The following CCDC154 variants were observed in gnomAD, a reference collection of about 807,000 sequenced individuals.
The protein encoded by CCDC154 is coiled-coil domain-containing protein 154.
A neutral mutation model predicts 87.5 loss-of-function variants in CCDC154; 91 were observed. The observed-to-expected ratio is 1.04, with a 90% CI of 0.88 to 1.24. The LOEUF is 1.24. CCDC154 is among the 50% of genes most tolerant of loss of function. CCDC154 has a pLI of 0.00. For missense variants in CCDC154, 903 were observed against 879.2 expected, an observed-to-expected ratio of 1.03 and a Z score of -0.34; for synonymous variants, 418 against 400.4, an observed-to-expected ratio of 1.04 and a Z score of -0.52.
chr16:1,444,125 G>A (rs188330383), intron 1 of CCDC154, 113 bp from the exon 2 acceptor site: 15 of 1,015,838 alleles, frequency 1.5e-5, no homozygotes, highest in Admixed American at 1.0e-4. Context: ...AGAGCTCAAC[G>A]CGTCTCCTTG....
Position 1,442,756 on chromosome 16 carries a change from G to A in CCDC154, c.551+124C>T, listed in dbSNP as rs878944344. 3.5e-5 allele frequency: 39 copies of A among 1,118,858 alleles called. No individual in the cohort carries two copies. The Middle Eastern group carries it at 6.1e-4, about 17-fold the overall frequency. 69.3% of individuals were successfully genotyped at this position (1,118,858 alleles called of 1,614,324 possible). The stretch of plus-strand genomic sequence containing the variant: ...CAGGCTTCCCAGCACGCTTGGCACC[G>A]AGGGCGGTGCCCCGCCGGGTTACTG... On this transcript the variant is annotated intron_variant, in intron 5 of 16. Coordinates refer to ENST00000389176, the MANE Select transcript of CCDC154 (RefSeq NM_001143980.3).
At chr16:1,434,576 A>AGG in intron 16 of CCDC154, 42 bp from the exon 17 acceptor site, 2 of 808,076 alleles carry the variant, frequency 2.5e-6, no homozygotes, top group Non-Finnish European at 3.2e-6. Context: ...CCCCCGCCCC[A>AGG]CCCCCCATGG....
rs1007127296 is a variant in CCDC154, at chr16:1,438,414, C to G, written c.1025+205G>C. The G allele has an allele frequency of 1.6e-5, 12 of 729,214 alleles. No individual in the cohort carries two copies. The African/African-American group carries it at 2.1e-4, about 13-fold the overall frequency. The allele number at this position is 729,214 out of a possible 1,614,324, so 45.2% of individuals were successfully genotyped here. ...CCTCCCCATGGCCACAGCTGAGTGC[C>G]CCAGGGAGGGCAGGCTGGGTGAGGG... On this transcript the variant is annotated intron_variant, in intron 9 of 16. Transcript: ENST00000389176.
intron 8 of CCDC154, 25 bp from the exon 9 acceptor site, chr16:1,438,762 G>A (rs775870024): frequency 1.7e-4 from 258 of 1,546,920 alleles, no homozygotes; most frequent in Non-Finnish European, 2.1e-4. Flanking sequence ...AGGCCGCCCT[G>A]AGACCTGCAC....
intron 6 of CCDC154, among the ~76,000 whole-genome samples, chr16:1,440,053 A>G (rs1315064920): frequency 1.3e-5 from 2 of 149,736 alleles, no homozygotes. Context: ...AGGCTGAGGC[A>G]GGAGAATCGC....
chr16:1,435,105 T>C lies in CCDC154; in HGVS notation c.1676A>G (p.Asn559Ser). 1 of 1,549,886 alleles carries C rather than the reference T, an allele frequency of 6.5e-7. No homozygotes were observed. Among genetic ancestry groups the C allele is most frequent in the Non-Finnish European group, 8.7e-7 (1 of 1,146,834 alleles). ...ANKTIQNLRFNTEARLRTQEM... is the reference protein window; with the variant it reads ...ANKTIQNLRFSTEARLRTQEM... ...CCTCCTCACCAGCCGGGCCTCAGTGTTGAACCTGAGGTTCTGGATGGTCTT... is the reference window on the plus strand; with the variant it reads ...CCTCCTCACCAGCCGGGCCTCAGTGCTGAACCTGAGGTTCTGGATGGTCTT... Residue 559 changes from asparagine to serine, a missense_variant, in exon 15 of 17, where the codon AAC (asparagine) becomes AGC (serine). By Grantham distance (46) the Asn-to-Ser change is conservative. Transcript: ENST00000389176.
Position 1,442,275 on chromosome 16 carries a change from A to G in CCDC154, c.675+131T>C, listed in dbSNP as rs2038558431. 4 of 1,119,862 alleles carry G rather than the reference A, an allele frequency of 3.6e-6. No homozygotes were observed. In the East Asian group the frequency reaches 8.3e-5, roughly 23 times the overall value. The allele number at this position is 1,119,862 out of a possible 1,614,324, so 69.4% of individuals were successfully genotyped here. ...AGGAATTGAGTTTTACATTGTCTACAACTATAGCTGATTTCAGTGGACACA... is the reference window on the plus strand; with the variant it reads ...AGGAATTGAGTTTTACATTGTCTACGACTATAGCTGATTTCAGTGGACACA... On this transcript the variant is annotated intron_variant, in intron 6 of 16. Transcript: ENST00000389176.
rs368884941 is a variant in CCDC154 at position 1,440,867 on chromosome 16, T to G, written c.675+1539A>C. 6.7e-5 allele frequency among the ~76,000 whole-genome samples: 10 copies of G among 149,698 alleles called. No individual in the cohort carries two copies. In the East Asian group the frequency reaches 1.4e-3, roughly 21 times the overall value. ...TCGGGAAGCTGAGGCAGGAGAATGG[T>G]GTGAACGTGGGAGGCGGAGCTTGTA... On this transcript the variant is annotated intron_variant, in intron 6 of 16. Coordinates refer to ENST00000389176, the MANE Select transcript of CCDC154 (RefSeq NM_001143980.3).
At chr16:1,442,334 A>C in intron 6 of CCDC154, 72 bp downstream of exon 6, 1 of 1,450,954 alleles carries the variant, frequency 6.9e-7, no homozygotes, top group African/African-American at 1.4e-5. Flanking sequence ...ATCGGATGGC[A>C]CAGGCCGAGA....
intron 6 of CCDC154, among the ~76,000 whole-genome samples, chr16:1,440,154 A>G (rs1361823332): frequency 1.4e-5 from 2 of 147,088 alleles, no homozygotes; most frequent in Non-Finnish European, 3.0e-5. Context: ...AGAAAAAAAA[A>G]AAAAAAAAAA....
In CCDC154 at chr16:1,438,131, G is replaced by A. The variant is rs1397483890; in HGVS notation, c.1071C>T (p.Ala357=). The A allele has an allele frequency of 3.2e-6, 5 of 1,547,960 alleles. No individual in the cohort carries two copies. The highest frequency in any genetic ancestry group is 4.4e-6 in the Non-Finnish European group (5 of 1,145,734). The change falls in exon 10 of 17, where the codon GCC becomes GCT. Residue 357 remains alanine, a synonymous_variant. Coordinates refer to ENST00000389176, the MANE Select transcript of CCDC154 (RefSeq NM_001143980.3). ...RLEESRAGEL[A]AYVQENLEAA... is the part of the protein sequence containing the mutation. ...CCTCCAGGTTCTCCTGCACATAGGC[G>A]GCCAGCTCCCCAGCCCGGCTTTCCT... is the stretch of plus-strand genomic sequence containing the variant.
intron 6 of CCDC154, among the ~76,000 whole-genome samples, chr16:1,440,873 C>T (rs1328296071): frequency 2.0e-5 from 3 of 151,146 alleles, no homozygotes; most frequent in Admixed American, 6.6e-5. Flanking sequence ...ATGGTGTGAA[C>T]GTGGGAGGCG....
chr16:1,435,052 G>A, intron 15 of CCDC154, 37 bp downstream of exon 15: 1 of 1,535,556 alleles, frequency 6.5e-7, no homozygotes, highest in Non-Finnish European at 8.8e-7. Flanking sequence ...GGAGCGGGTG[G>A]GAGCTGGGCG....
intron 1 of CCDC154, 34 bp from the exon 2 acceptor site, chr16:1,444,046 G>A: frequency 1.6e-6 from 2 of 1,286,502 alleles, no homozygotes; most frequent in Non-Finnish European, 2.0e-6. Flanking sequence ...TTGCCCCTTG[G>A]GGCCCGGCCC....
intron 13 of CCDC154, 116 bp downstream of exon 13, chr16:1,436,328 CA>C: frequency 2.0e-6 from 2 of 1,014,272 alleles, no homozygotes; most frequent in Non-Finnish European, 2.9e-6. Context: ...GGCCCGGGCT[CA>C]GGGGGAACAG....
At position 1,444,414 on chromosome 16, in the gene CCDC154, G is replaced by A; in HGVS notation, c.-92C>T. The A allele has an allele frequency of 8.2e-7, 1 of 1,214,664 alleles. No homozygotes were observed. Among genetic ancestry groups the A allele is most frequent in the Non-Finnish European group, 1.1e-6 (1 of 937,752 alleles). 75.2% of individuals were successfully genotyped at this position (1,214,664 alleles called of 1,614,324 possible). The stretch of plus-strand genomic sequence containing the variant: ...CCCAGAGCTGGGCACAGGCCAGGGG[G>A]GTCAGGAGCCAGAGGAAGTCCCGTG... On this transcript the variant is annotated 5_prime_UTR_variant, in exon 1 of 17. Transcript: ENST00000389176.
Position 1,442,884 on chromosome 16 carries a change from G to C in CCDC154, c.547C>G (p.Leu183Val), listed in dbSNP as rs905328270. Reference sequence around the variant, plus strand: ...CCACGGGCGGTGGGCGCCCACCTGAGGCCGGCCTCTTGCTCGGCGCCCCTT... The same window carrying C: ...CCACGGGCGGTGGGCGCCCACCTGACGCCGGCCTCTTGCTCGGCGCCCCTT... ...ERRGAEQEAG[L>V]RLAKLTDLLQ... The change falls in exon 5 of 17, where the codon CTC becomes GTC. Residue 183 changes from leucine to valine, a missense_variant. By Grantham distance (32) the Leu-to-Val change is conservative. Transcript: ENST00000389176. 40 of 1,548,738 alleles carry C rather than the reference G, an allele frequency of 2.6e-5. No homozygotes were observed. The highest frequency in any genetic ancestry group is 3.1e-5 in the Non-Finnish European group (36 of 1,146,516).
chr16:1,438,417 AG>A, intron 9 of CCDC154: 1 of 722,572 alleles, frequency 1.4e-6, no homozygotes, highest in Non-Finnish European at 2.2e-6. Context: ...TGAGTGCCCC[AG>A]GGAGGGCAGG....
At chr16:1,435,348 C>CG in intron 14 of CCDC154, 173 bp from the exon 15 acceptor site, 1 of 643,542 alleles carries the variant, frequency 1.6e-6, no homozygotes, top group Non-Finnish European at 2.7e-6. Flanking sequence ...GCTGAGGAAG[C>CG]GGCAGCCTGA....
Sources: gnomAD v4.1 joint callset for allele counts (sites outside exome capture counted in the v4.1 genomes callset) on GRCh38, gnomAD v4.1.1 for gene constraint, MANE v1.5 for transcripts, NCBI Gene and HGNC (gene_info 2026-07-23, HGNC 2026-07-21) for gene names.